MYO10: variants seen among roughly 807,000 people sequenced by gnomAD.
MYO10 encodes the protein unconventional myosin-X.
A neutral mutation model predicts 257.3 loss-of-function variants in MYO10; 133 were observed. That is an observed-to-expected ratio of 0.52 (90% CI 0.45 to 0.60). The LOEUF (loss-of-function observed/expected upper bound fraction) is 0.60, where lower values mean the gene tolerates loss of function less well. Ranked by LOEUF, MYO10 falls within the 20% of genes least tolerant of loss-of-function variation. MYO10 has a pLI of 0.00. For synonymous variants in MYO10, 1,104 were observed against 1,028.6 expected, an observed-to-expected ratio of 1.07 and a Z score of -1.40; for missense variants, 2,399 against 2,635.7, an observed-to-expected ratio of 0.91 and a Z score of 1.97.
intron 21 of MYO10, among the ~76,000 whole-genome samples, chr5:16,706,198 C>CAT (rs1048594111): frequency 6.6e-6 from 1 of 151,958 alleles, no homozygotes; most frequent in African/African-American, 2.4e-5. Flanking sequence ...AACATATATA[C>CAT]ATATATATAC....
chr5:16,744,846 T>A (rs910151888), intron 19 of MYO10, among the ~76,000 whole-genome samples: 3 of 152,122 alleles, frequency 2.0e-5, no homozygotes, highest in African/African-American at 7.2e-5. Context: ...AATGTGTTGA[T>A]GTTTAAACAA....
intron 3 of MYO10, among the ~76,000 whole-genome samples, chr5:16,806,073 A>G (rs1742267508): frequency 6.6e-6 from 1 of 152,036 alleles, no homozygotes; most frequent in Non-Finnish European, 1.5e-5. Flanking sequence ...GGCCGGGTGC[A>G]GTGGATCACG....
rs535683579 is a variant in MYO10 at position 16,935,766 on chromosome 5, G to A, written c.21+22C>T. The A allele has an allele frequency of 1.1e-4, 184 of 1,613,430 alleles. No individual in the cohort carries two copies. In the Admixed American group the frequency reaches 3.0e-3, roughly 26 times the overall value. ...TCTCTCCCTGGGCTCCGGAGGCCAG[G>A]TCGGACTGGGAGCGCACTTACCTCG... On this transcript the variant is annotated intron_variant, in intron 1 of 40. Coordinates refer to ENST00000513610, the MANE Select transcript of MYO10 (RefSeq NM_012334.3).
chr5:16,877,546 C>T, intron 2 of MYO10, 63 bp downstream of exon 2: 1 of 1,343,452 alleles, frequency 7.4e-7, no homozygotes, highest in Non-Finnish European at 1.1e-6. Context: ...CACACATGCC[C>T]TGGGCACGAA....
rs1378314314 is a variant in MYO10, at chr5:16,664,840, T to C, written c.*1852A>G. On this transcript the variant is annotated 3_prime_UTR_variant, in exon 41 of 41. Transcript: ENST00000513610. ...TCACACTCAGTGTCTACAAGAGCAG[T>C]GGAGACAGCTGCAGATCTGTGTTTA... 1 of 152,118 alleles carries C rather than the reference T, an allele frequency of 6.6e-6. No individual in the cohort carries two copies. Among genetic ancestry groups the C allele is most frequent in the African/African-American group, 2.4e-5 (1 of 41,434 alleles). 9.4% of individuals were successfully genotyped at this position (152,118 alleles called of 1,614,324 possible). A position where few individuals can be genotyped will look rare whatever the true frequency, so the allele number is the denominator to read the frequency against.
intron 2 of MYO10, among the ~76,000 whole-genome samples, chr5:16,859,798 G>A (rs1413832578): frequency 1.3e-5 from 2 of 152,060 alleles, no homozygotes; most frequent in Admixed American, 6.6e-5. Context: ...ACCATGGCAA[G>A]GCCCTTCCAC....
chr5:16,686,180 T>C (rs1737245113), intron 28 of MYO10, among the ~76,000 whole-genome samples: 1 of 152,178 alleles, frequency 6.6e-6, no homozygotes. Context: ...AAAATACTTA[T>C]ATCAAGGATC....
chr5:16,735,685 G>GA (rs767237097), intron 19 of MYO10, among the ~76,000 whole-genome samples: 1,154 of 99,370 alleles, frequency 0.012, 4 homozygotes, highest in East Asian at 0.024. Context: ...AGAGCCTCGG[G>GA]AAAAAAAAAA....
intron 2 of MYO10, among the ~76,000 whole-genome samples, chr5:16,858,370 C>T (rs1360569184): frequency 6.7e-6 from 1 of 150,300 alleles, no homozygotes; most frequent in African/African-American, 2.5e-5. Flanking sequence ...CACAGGAATG[C>T]TGTGTTGATA....
intron 3 of MYO10, 131 bp from the exon 4 acceptor site, chr5:16,794,964 C>A (rs7737987): frequency 6.5e-6 from 4 of 612,520 alleles, no homozygotes; most frequent in South Asian, 4.0e-5. Context: ...CTGTCCCTGC[C>A]TTTCTGGGTA....
At chr5:16,834,340 T>C (rs960041994) in intron 2 of MYO10, among the ~76,000 whole-genome samples, 13 of 152,122 alleles carry the variant, frequency 8.5e-5, no homozygotes, top group African/African-American at 3.1e-4. Context: ...GATTTCCTGG[T>C]GCACCGTGAT....
At chr5:16,866,103 G>GT (rs1744242152) in intron 2 of MYO10, among the ~76,000 whole-genome samples, 1 of 150,098 alleles carries the variant, frequency 6.7e-6, no homozygotes, top group Admixed American at 6.6e-5. Context: ...AAAAAATTGT[G>GT]TATTTATTCA....
chr5:16,772,253 C>T (rs1424423543), intron 9 of MYO10, among the ~76,000 whole-genome samples: 2 of 152,024 alleles, frequency 1.3e-5, no homozygotes, highest in African/African-American at 2.4e-5. Context: ...CTGCCTCAGC[C>T]TCCCGAGTAG....
At chr5:16,762,143 A>ATAAAT in intron 15 of MYO10, 30 bp from the exon 16 acceptor site, 1 of 1,091,652 alleles carries the variant, frequency 9.2e-7, no homozygotes, top group Non-Finnish European at 1.2e-6. Context: ...AAAAAAAAAA[A>ATAAAT]ATACAATGCC....
At chr5:16,813,737 G>A (rs987648440) in intron 3 of MYO10, among the ~76,000 whole-genome samples, 6 of 152,162 alleles carry the variant, frequency 3.9e-5, no homozygotes, top group African/African-American at 1.4e-4. Flanking sequence ...AGATCATCCA[G>A]GGAGGCCCAA....
At position 16,711,252 on chromosome 5, in the gene MYO10, C is replaced by T. The variant is rs748269464; in HGVS notation, c.1930-7G>A. On this transcript the variant is annotated splice_region_variant and splice_polypyrimidine_tract_variant and intron_variant, in intron 19 of 40. Coordinates refer to ENST00000513610, the MANE Select transcript of MYO10 (RefSeq NM_012334.3). ...GGTCAAACTGGTCTGGCATCTAAACCATGCAAAAAAAAAAGATGGGATACC... is the reference window on the plus strand; with the variant it reads ...GGTCAAACTGGTCTGGCATCTAAACTATGCAAAAAAAAAAGATGGGATACC... The T allele has an allele frequency of 3.3e-6, 5 of 1,507,170 alleles. No homozygotes were observed. The South Asian group carries it at 3.5e-5, about 11-fold the overall frequency. The allele number at this position is 1,507,170 out of a possible 1,614,324, so 93.4% of individuals were successfully genotyped here.
intron 19 of MYO10, among the ~76,000 whole-genome samples, chr5:16,722,767 G>A (rs1329004347): frequency 6.6e-6 from 1 of 152,176 alleles, no homozygotes. Context: ...AATCTAGGTG[G>A]CTTTGGGGAT....
intron 21 of MYO10, among the ~76,000 whole-genome samples, chr5:16,708,725 C>T (rs1255223718): frequency 6.6e-6 from 1 of 152,102 alleles, no homozygotes; most frequent in African/African-American, 2.4e-5. Context: ...CCACGCCTGG[C>T]TAATTTTTCT....
At chr5:16,829,185 C>A (rs62369351) in intron 2 of MYO10, among the ~76,000 whole-genome samples, 2 of 152,162 alleles carry the variant, frequency 1.3e-5, no homozygotes, top group Non-Finnish European at 2.9e-5. Context: ...CACGGGGCAT[C>A]TGTGGTTGAG....
Sources: allele counts gnomAD v4.1 joint callset (sites outside exome capture counted in the v4.1 genomes callset), GRCh38; gene constraint gnomAD v4.1.1; transcripts MANE v1.5; gene names NCBI Gene and HGNC (gene_info 2026-07-23, HGNC 2026-07-21).